RTL3: variants seen among roughly 807,000 people sequenced by gnomAD.
The protein encoded by RTL3 is retrotransposon Gag like 3.
For missense variants in RTL3, 468 were observed against 341.8 expected, an observed-to-expected ratio of 1.37 and a Z score of -2.91; for synonymous variants, 181 against 132.2, an observed-to-expected ratio of 1.37 and a Z score of -2.53.
chrX:78,658,343 C>T lies in RTL3; in HGVS notation c.78G>A (p.Leu26=). The change falls in exon 2 of 2, where the codon CTG becomes CTA. Residue 26 remains leucine (L), a synonymous_variant. Transcript: ENST00000321110. Reference sequence around the variant, plus strand: ...CCTGGAGAGCAGCATTTTCTTCCATCAGCCACTGCACTTGAGCCTGCCGAA... The same window carrying T: ...CCTGGAGAGCAGCATTTTCTTCCATTAGCCACTGCACTTGAGCCTGCCGAA... ...NEIRQAQVQW[L]MEENAALQAQ... 8.3e-7 allele frequency: 1 copy of T among 1,211,319 alleles called. No individual in the cohort carries two copies. Among genetic ancestry groups the T allele is most frequent in the East Asian group, 3.0e-5 (1 of 33,800 alleles).
rs1389787610 is a variant in RTL3 at position 78,657,855 on chromosome X, TG to T, written c.565del (p.Gln189ArgfsTer13). 1.7e-6 allele frequency: 2 copies of T among 1,206,704 alleles called. No individual in the cohort carries two copies. The highest frequency in any genetic ancestry group is 2.2e-6 in the Non-Finnish European group (2 of 894,026). ...GGCATTTGAAGGCTCCAGAGGCTCC[TG>T]GGGAGGTGGAAGCTCAAGGAACTCT... is the stretch of plus-strand genomic sequence containing the variant. ...QLEFLELPPPQEPLEPSNAQE... is the reference protein window; with the variant it reads ...QLEFLELPPPXEPLEPSNAQE... On this transcript the variant is annotated frameshift_variant, in exon 2 of 2. Transcript: ENST00000321110. LOFTEE classifies it low-confidence loss of function (END_TRUNC).
At position 78,657,485 on chromosome X, in the gene RTL3, G is replaced by A; in HGVS notation, c.936C>T (p.Leu312=). Reference sequence around the variant, plus strand: ...TTTCTGGATTATCAAAAGTATCCTGGAGCACAGGTATGAAACTTTCACATT... The same window carrying A: ...TTTCTGGATTATCAAAAGTATCCTGAAGCACAGGTATGAAACTTTCACATT... ...LEQCESFIPV[L]QDTFDNPENM... Residue 312 remains leucine, a synonymous_variant, in exon 2 of 2, where the codon CTC becomes CTT. Transcript: ENST00000321110. 1 of 1,207,487 alleles carries A rather than the reference G, an allele frequency of 8.3e-7. No individual in the cohort carries two copies. Among genetic ancestry groups the A allele is most frequent in the Admixed American group, 2.2e-5 (1 of 45,595 alleles).
rs1413896346 is a variant in RTL3 at position 78,658,372 on chromosome X, C to G, written c.49G>C (p.Glu17Gln). The G allele has an allele frequency of 8.3e-7, 1 of 1,210,917 alleles. No individual in the cohort carries two copies. Among genetic ancestry groups the G allele is most frequent in the Middle Eastern group, 2.3e-4 (1 of 4,346 alleles). Residue 17 changes from glutamate (E) to glutamine (Q), a missense_variant, in exon 2 of 2, where the codon GAA becomes CAA. Physicochemically the swap from Glu to Gln is conservative, Grantham distance 29. Coordinates refer to ENST00000321110, the MANE Select transcript of RTL3 (RefSeq NM_152694.3). ...CACTGCACTTGAGCCTGCCGAATTT[C>G]ATTCTCCAATTTCAGAACAATATAG... Reference protein sequence around the residue: ...ASYIVLKLENEIRQAQVQWLM... With the variant: ...ASYIVLKLENQIRQAQVQWLM...
rs1247110659 is a variant in RTL3 at position 78,657,730 on chromosome X, A to G, written c.691T>C (p.Leu231=). 1 of 1,211,057 alleles carries G rather than the reference A, an allele frequency of 8.3e-7. No individual in the cohort carries two copies. Among genetic ancestry groups the G allele is most frequent in the South Asian group, 1.8e-5 (1 of 56,866 alleles). The change falls in exon 2 of 2, where the codon TTA becomes CTA. Residue 231 remains leucine (L), a synonymous_variant. Transcript: ENST00000321110. The part of the protein sequence containing the change: ...ASEFPQAPIG[L]EATDFPLQYT... Reference sequence around the variant, plus strand: ...TGCAGGGGGAAATCTGTAGCCTCTAACCCAATAGGGGCCTGTGGAAACTCT... The same window carrying G: ...TGCAGGGGGAAATCTGTAGCCTCTAGCCCAATAGGGGCCTGTGGAAACTCT...
rs766922900 is a variant in RTL3, at chrX:78,658,327, C to A, written c.94G>T (p.Ala32Ser). The A allele has an allele frequency of 9.9e-6, 12 of 1,211,193 alleles. No homozygotes were observed. Among genetic ancestry groups the A allele is most frequent in the Non-Finnish European group, 1.3e-5 (12 of 895,374 alleles). ...QVQWLMEENA[A>S]LQAQIPELQK... Reference sequence around the variant, plus strand: ...AGCTCTGGGATCTGGGCCTGGAGAGCAGCATTTTCTTCCATCAGCCACTGC... The same window carrying A: ...AGCTCTGGGATCTGGGCCTGGAGAGAAGCATTTTCTTCCATCAGCCACTGC... The change falls in exon 2 of 2, where the codon GCT (alanine) becomes TCT (serine). Residue 32 changes from alanine to serine, a missense_variant. Coordinates refer to ENST00000321110, the MANE Select transcript of RTL3 (RefSeq NM_152694.3).
chrX:78,656,978 C>A lies in RTL3; in HGVS notation c.*15G>T, dbSNP rs1028640241. 6 of 1,193,704 alleles carry A rather than the reference C, an allele frequency of 5.0e-6. No individual in the cohort carries two copies. The South Asian group carries it at 1.1e-4, about 22-fold the overall frequency. On this transcript the variant is annotated 3_prime_UTR_variant, in exon 2 of 2. Transcript: ENST00000321110. ...GGGGACGCATATTTGTAGATTGGCC[C>A]ACGTGGGGTCCCCCTTACTGGCAGG... is the stretch of plus-strand genomic sequence containing the variant.
Position 78,656,782 on chromosome X carries a change from A to G in RTL3, c.*211T>C. The G allele has an allele frequency of 2.4e-6, 1 of 418,507 alleles. No homozygotes were observed. The highest frequency in any genetic ancestry group is 4.0e-6 in the Non-Finnish European group (1 of 248,009). The allele number at this position is 418,507 out of a possible 1,213,427, so 34.5% of individuals were successfully genotyped here. On this transcript the variant is annotated 3_prime_UTR_variant, in exon 2 of 2. Transcript: ENST00000321110. ...ATGGCCGTCGACAGTTTCCAGCATC[A>G]GAGGGAAGATATTACTGCGGATGGG...
Position 78,657,284 on chromosome X carries a change from G to C in RTL3, c.1137C>G (p.Ala379=), listed in dbSNP as rs748832211. ...IQDELSHTSP[A]TNLSDLITQC... is the part of the protein sequence containing the mutation. ...GAGTGATGAGATCAGATAGGTTGGT[G>C]GCTGGGCTTGTGTGAGACAGTTCAT... Residue 379 remains alanine (A), a synonymous_variant, in exon 2 of 2, where the codon GCC becomes GCG. Coordinates refer to ENST00000321110, the MANE Select transcript of RTL3 (RefSeq NM_152694.3). 1 of 1,211,898 alleles carries C rather than the reference G, an allele frequency of 8.3e-7. No individual in the cohort carries two copies. The highest frequency in any genetic ancestry group is 1.8e-5 in the South Asian group (1 of 56,974).
rs1923019701 is a variant in RTL3 at position 78,657,346 on chromosome X, T to A, written c.1075A>T (p.Ile359Phe). ...ELNWDESTLW[I>F]QFQEGLASSI... ...CTGGCAAGACCTTCTTGAAATTGGA[T>A]CCAGAGAGTGCTTTCATCCCAGTTC... Residue 359 changes from isoleucine to phenylalanine, a missense_variant, in exon 2 of 2, where the codon ATC becomes TTC. Ile to Phe is a conservative substitution (Grantham distance 21). Coordinates refer to ENST00000321110, the MANE Select transcript of RTL3 (RefSeq NM_152694.3). 3.3e-6 allele frequency: 4 copies of A among 1,211,710 alleles called. No homozygotes were observed. Among genetic ancestry groups the A allele is most frequent in the Non-Finnish European group, 4.5e-6 (4 of 895,506 alleles).
chrX:78,657,247 G>T lies in RTL3; in HGVS notation c.1174C>A (p.Leu392Met), dbSNP rs1484060154. ...LSDLITQCIS[L>M]EEKPDPNPLG... is the part of the protein sequence containing the mutation. ...GGATTGGGATCAGGCTTCTCTTCCA[G>T]GCTGATGCACTGAGTGATGAGATCA... The change falls in exon 2 of 2, where the codon CTG (leucine) becomes ATG (methionine). Residue 392 changes from leucine (L) to methionine (M), a missense_variant. Coordinates refer to ENST00000321110, the MANE Select transcript of RTL3 (RefSeq NM_152694.3). 8.2e-7 allele frequency: 1 copy of T among 1,212,132 alleles called. No homozygotes were observed. The highest frequency in any genetic ancestry group is 1.1e-6 in the Non-Finnish European group (1 of 895,617).
chrX:78,658,262 T>G lies in RTL3; in HGVS notation c.159A>C (p.Arg53=). Residue 53 remains arginine, a synonymous_variant, in exon 2 of 2, where the codon CGA becomes CGC. Transcript: ENST00000321110. ...GGGGCTCCTTGGCCTCTGAGGACTT[T>G]CGGAGTAGATCATACTCCTTGGCTG... ...SQAAKEYDLL[R]KSSEAKEPQK... 8.3e-7 allele frequency: 1 copy of G among 1,210,659 alleles called. No individual in the cohort carries two copies. The highest frequency in any genetic ancestry group is 1.1e-6 in the Non-Finnish European group (1 of 895,173).
In RTL3 at chrX:78,658,554, C is replaced by A; in HGVS notation, c.-134G>T. 1.6e-6 allele frequency: 1 copy of A among 640,591 alleles called. No homozygotes were observed. Among genetic ancestry groups the A allele is most frequent in the South Asian group, 3.9e-5 (1 of 25,776 alleles). 52.8% of individuals were successfully genotyped at this position (640,591 alleles called of 1,213,427 possible). A position where few individuals can be genotyped will look rare whatever the true frequency, so the allele number is the denominator to read the frequency against. On this transcript the variant is annotated 5_prime_UTR_variant, in exon 2 of 2. Transcript: ENST00000321110. Reference sequence around the variant, plus strand: ...AGTTTTCCAAGGGGTGGTATTTGGGCCCCGCCAAGGCTGATTATCAAGAGG... The same window carrying A: ...AGTTTTCCAAGGGGTGGTATTTGGGACCCGCCAAGGCTGATTATCAAGAGG...
rs771221446 is a variant in RTL3, at chrX:78,657,464, T to G, written c.957A>C (p.Pro319=). Residue 319 remains proline (P), a synonymous_variant, in exon 2 of 2, where the codon CCA becomes CCC. Coordinates refer to ENST00000321110, the MANE Select transcript of RTL3 (RefSeq NM_152694.3). ...IPVLQDTFDN[P]ENMKDANQCI... Reference sequence around the variant, plus strand: ...ACTGGTTGGCATCTTTCATGTTTTCTGGATTATCAAAAGTATCCTGGAGCA... The same window carrying G: ...ACTGGTTGGCATCTTTCATGTTTTCGGGATTATCAAAAGTATCCTGGAGCA... 11 of 1,209,565 alleles carry G rather than the reference T, an allele frequency of 9.1e-6. No homozygotes were observed. The East Asian group carries it at 3.3e-4, about 36-fold the overall frequency.
rs760967574 is a variant in RTL3, at chrX:78,657,329, A to G, written c.1092T>C (p.Gly364=). 1.7e-5 allele frequency: 21 copies of G among 1,209,956 alleles called. No homozygotes were observed. Among genetic ancestry groups the G allele is most frequent in the Non-Finnish European group, 2.2e-5 (20 of 895,253 alleles). The part of the protein sequence containing the change: ...ESTLWIQFQE[G]LASSIQDELS... ...GTTCATCTTGTATAGAACTGGCAAG[A>G]CCTTCTTGAAATTGGATCCAGAGAG... is the stretch of plus-strand genomic sequence containing the variant. The change falls in exon 2 of 2, where the codon GGT becomes GGC. Residue 364 remains glycine, a synonymous_variant. Transcript: ENST00000321110.
At position 78,657,092 on chromosome X, in the gene RTL3, G is replaced by A. The variant is rs1370309053; in HGVS notation, c.1329C>T (p.Arg443=). ...EAEWVRWHKG[R]LCLYCGYPGH... The stretch of plus-strand genomic sequence containing the variant: ...CAGGATAACCACAGTAGAGGCATAA[G>A]CGGCCTTTGTGCCAACGGACCCATT... Residue 443 remains arginine (R), a synonymous_variant, in exon 2 of 2, where the codon CGC becomes CGT. Coordinates refer to ENST00000321110, the MANE Select transcript of RTL3 (RefSeq NM_152694.3). 8.2e-7 allele frequency: 1 copy of A among 1,212,362 alleles called. No individual in the cohort carries two copies. The highest frequency in any genetic ancestry group is 2.2e-5 in the Admixed American group (1 of 46,142).
At position 78,656,766 on chromosome X, in the gene RTL3, G is replaced by T. The variant is rs922445712; in HGVS notation, c.*227C>A. The T allele has an allele frequency of 1.3e-5, 5 of 398,149 alleles. No individual in the cohort carries two copies. The African/African-American group carries it at 1.3e-4, about 10-fold the overall frequency. 32.8% of individuals were successfully genotyped at this position (398,149 alleles called of 1,213,427 possible). ...GTCCATTAATAAGTGGATGGCCGTC[G>T]ACAGTTTCCAGCATCAGAGGGAAGA... On this transcript the variant is annotated 3_prime_UTR_variant, in exon 2 of 2. Transcript: ENST00000321110.
Position 78,658,247 on chromosome X carries a change from G to T in RTL3, c.174C>A (p.Ala58=). Residue 58 remains alanine (A), a synonymous_variant, in exon 2 of 2, where the codon GCC becomes GCA. Transcript: ENST00000321110. The part of the protein sequence containing the change: ...EYDLLRKSSE[A]KEPQKLPEHM... ...GCTCTGGGAGCTTCTGGGGCTCCTT[G>T]GCCTCTGAGGACTTTCGGAGTAGAT... The T allele has an allele frequency of 3.3e-6, 4 of 1,210,029 alleles. No homozygotes were observed. In the South Asian group the frequency reaches 5.3e-5, roughly 16 times the overall value.
In RTL3 at chrX:78,657,526, T is replaced by G. The variant is rs1923028571; in HGVS notation, c.895A>C (p.Ser299Arg). 1 of 1,205,233 alleles carries G rather than the reference T, an allele frequency of 8.3e-7. No homozygotes were observed. Among genetic ancestry groups the G allele is most frequent in the African/African-American group, 1.8e-5 (1 of 56,947 alleles). Residue 299 changes from serine (S) to arginine (R), a missense_variant, in exon 2 of 2, where the codon AGC becomes CGC. By Grantham distance (110) the Ser-to-Arg change is moderately radical. Transcript: ENST00000321110. ...CTTTCACATTGCTCCAGTAAGGGGC[T>G]TTGGATATCCAGTAAGAGCTGGAAC... ...WWFQLLLDIQSPLLEQCESFI... is the reference protein window; with the variant it reads ...WWFQLLLDIQRPLLEQCESFI...
In RTL3 at chrX:78,658,111, C is replaced by T. The variant is rs1923053558; in HGVS notation, c.310G>A (p.Glu104Lys). 8.7e-7 allele frequency: 1 copy of T among 1,151,836 alleles called. No homozygotes were observed. Among genetic ancestry groups the T allele is most frequent in the Non-Finnish European group, 1.1e-6 (1 of 870,637 alleles). 94.9% of individuals were successfully genotyped at this position (1,151,836 alleles called of 1,213,427 possible). A position where few individuals can be genotyped will look rare whatever the true frequency, so the allele number is the denominator to read the frequency against. Residue 104 changes from glutamate to lysine, a missense_variant, in exon 2 of 2, where the codon GAA becomes AAA. Glu to Lys is a moderately conservative substitution (Grantham distance 56). Transcript: ENST00000321110. ...GGGGCTGCTGGGGCCTCCTGGAGTT[C>T]CCAGGCTGCTGGGGGTTCCCAGGGT... The part of the protein sequence containing the change: ...LLPWEPPAAW[E>K]LQEAPAAPES...
Sources: allele counts gnomAD v4.1 joint callset, GRCh38; gene constraint gnomAD v4.1.1; transcripts MANE v1.5; gene names NCBI Gene and HGNC (gene_info 2026-07-23, HGNC 2026-07-21).